The following BBS12 variants were observed in gnomAD, a reference collection of about 807,000 sequenced individuals.
The protein encoded by BBS12 is Bardet-Biedl syndrome 12.
In BBS12, 5 loss-of-function variants were observed where a neutral mutation model predicts 5.6. The ratio of observed to expected loss-of-function variants is 0.89; its 90% CI spans 0.46 to 1.86. The LOEUF is 1.86. Ranked by LOEUF, BBS12 falls within the 40% of genes most tolerant of loss-of-function variation. The pLI, the probability that BBS12 is intolerant of heterozygous loss-of-function variation, is 0.01. For synonymous variants in BBS12, 308 were observed against 306.8 expected (o/e 1.00, Z -0.04); for missense variants, 748 against 830.4 (o/e 0.90, Z 1.22).
chr4:122,718,762 A>ATGAAATGAAATGAAATGAAATG, the BBS12 span, among the ~76,000 whole-genome samples: 1 of 151,250 alleles, frequency 6.6e-6, no homozygotes, highest in Non-Finnish European at 1.5e-5. Flanking sequence ...ATGAAATGAA[A>ATGAAATGAAATGAAATGAAATG]AAGGTCATCC....
chr4:122,711,801 G>A, the BBS12 span, among the ~76,000 whole-genome samples: 1 of 152,180 alleles, frequency 6.6e-6, no homozygotes, highest in East Asian at 1.9e-4. Flanking sequence ...GTGGACTTGT[G>A]TACTGCCTAC....
Position 122,744,013 on chromosome 4 carries a change from T to A in BBS12, c.2121T>A (p.Phe707Leu). Residue 707 changes from phenylalanine to leucine, a missense_variant, in exon 2 of 2, where the codon TTT (phenylalanine) becomes TTA (leucine). Physicochemically the swap from Phe to Leu is conservative, Grantham distance 22. Transcript: ENST00000314218. ...TQINSQELTGFLFL is the reference protein window; with the variant it reads ...TQINSQELTGLLFL Reference sequence around the variant, plus strand: ...TAAATTCACAGGAATTAACGGGCTTTCTATTTTTGTAGTGTTACTGGCTAA... The same window carrying A: ...TAAATTCACAGGAATTAACGGGCTTACTATTTTTGTAGTGTTACTGGCTAA... 2 of 1,613,446 alleles carry A rather than the reference T, an allele frequency of 1.2e-6. No homozygotes were observed. The highest frequency in any genetic ancestry group is 1.7e-4 in the Middle Eastern group (1 of 6,060).
In BBS12 at chr4:122,743,814, G is replaced by A. The variant is rs1800939127; in HGVS notation, c.1922G>A (p.Ser641Asn). 4 of 1,611,816 alleles carry A rather than the reference G, an allele frequency of 2.5e-6. No individual in the cohort carries two copies. Among genetic ancestry groups the A allele is most frequent in the African/African-American group, 1.3e-5 (1 of 74,908 alleles). ...TCATCTTACATCTTGAATGAATATA[G>A]TAAACTAAATAGTAGAATTTTTAAT... The part of the protein sequence containing the change: ...SPSSYILNEY[S>N]KLNSRIFNSD... The change falls in exon 2 of 2, where the codon AGT (serine) becomes AAT (asparagine). Residue 641 changes from serine (S) to asparagine (N), a missense_variant. Coordinates refer to ENST00000314218, the MANE Select transcript of BBS12 (RefSeq NM_152618.3).
At chr4:122,722,634 A>C in the BBS12 span, among the ~76,000 whole-genome samples, 1 of 152,118 alleles carries the variant, frequency 6.6e-6, no homozygotes, top group Admixed American at 6.5e-5. Context: ...TTTAGTCCTA[A>C]AATTTTTATA....
At position 122,741,991 on chromosome 4, in the gene BBS12, A is replaced by G. The variant is rs770875217; in HGVS notation, c.99A>G (p.Leu33=). ...AETGRTFLGP[L]KSSKFIIDEE... is the part of the protein sequence containing the mutation. ...CAGGAAGAACTTTCCTAGGCCCACT[A>G]AAATCATCCAAATTTATTATAGATG... The change falls in exon 2 of 2, where the codon CTA becomes CTG. Residue 33 remains leucine (L), a synonymous_variant. Transcript: ENST00000314218. 4 of 1,613,514 alleles carry G rather than the reference A, an allele frequency of 2.5e-6. No individual in the cohort carries two copies. The highest frequency in any genetic ancestry group is 3.4e-6 in the Non-Finnish European group (4 of 1,179,572).
the BBS12 span, among the ~76,000 whole-genome samples, chr4:122,716,736 CGT>C: frequency 3.8e-5 from 2 of 52,170 alleles, no homozygotes; most frequent in African/African-American, 1.5e-4. Flanking sequence ...TACACACACA[CGT>C]GTGTGTGTAT....
chr4:122,706,755 T>G, the BBS12 span, among the ~76,000 whole-genome samples: 1 of 152,194 alleles, frequency 6.6e-6, no homozygotes, highest in Non-Finnish European at 1.5e-5. Flanking sequence ...AGTTCTTTCA[T>G]GGAAAAGTAA....
At chr4:122,710,645 A>C in the BBS12 span, among the ~76,000 whole-genome samples, 1 of 152,144 alleles carries the variant, frequency 6.6e-6, no homozygotes, top group African/African-American at 2.4e-5. Context: ...GGGGAAATGG[A>C]TTCGTTATGA....
chr4:122,705,648 C>T, the BBS12 span, among the ~76,000 whole-genome samples: 2 of 151,926 alleles, frequency 1.3e-5, no homozygotes, highest in Admixed American at 1.3e-4. Context: ...CCTGGCATAG[C>T]CTAAGAAGAA....
the BBS12 span, among the ~76,000 whole-genome samples, chr4:122,702,024 G>GA: frequency 6.4e-3 from 970 of 151,926 alleles, 5 homozygotes; most frequent in Admixed American, 0.012. Flanking sequence ...TGGAAAGGGA[G>GA]AAAAAAAAGC....
the BBS12 span, among the ~76,000 whole-genome samples, chr4:122,718,845 G>A: frequency 1.3e-5 from 2 of 152,192 alleles, no homozygotes; most frequent in African/African-American, 4.8e-5. Context: ...TTGAGAGGGA[G>A]TCTCGCTCTG....
the BBS12 span, among the ~76,000 whole-genome samples, chr4:122,716,669 A>ACGCG: frequency 7.7e-5 from 6 of 78,386 alleles, no homozygotes; most frequent in African/African-American, 2.0e-4. Flanking sequence ...ACATACACAT[A>ACGCG]TGTGTATATA....
the BBS12 span, among the ~76,000 whole-genome samples, chr4:122,701,521 G>A: frequency 6.6e-6 from 1 of 152,230 alleles, no homozygotes; most frequent in African/African-American, 2.4e-5. Flanking sequence ...TGTGGGGTAA[G>A]CAAGGAGCAG....
intron 1 of BBS12, chr4:122,733,761 C>CT (rs1248739598): frequency 6.6e-6 from 1 of 151,898 alleles, no homozygotes; most frequent in Non-Finnish European, 1.5e-5. Context: ...ATGCGGACCC[C>CT]TTTTATGCCT....
At chr4:122,714,127 G>C in the BBS12 span, among the ~76,000 whole-genome samples, 1 of 151,994 alleles carries the variant, frequency 6.6e-6, no homozygotes, top group Non-Finnish European at 1.5e-5. Context: ...ATAAGGATGA[G>C]GCCCTAATTC....
the BBS12 span, among the ~76,000 whole-genome samples, chr4:122,708,070 G>A: frequency 0.22 from 33,144 of 149,066 alleles, 3,974 homozygotes; most frequent in Non-Finnish European, 0.25. Context: ...GGAGTACAGC[G>A]GGGCAATCAT....
At chr4:122,716,591 A>G in the BBS12 span, among the ~76,000 whole-genome samples, 3 of 140,806 alleles carry the variant, frequency 2.1e-5, no homozygotes, top group Non-Finnish European at 3.1e-5. Context: ...ATATACACAT[A>G]TGTATGTATA....
Position 122,742,630 on chromosome 4 carries a change from A to G in BBS12, c.738A>G (p.Val246=). 3 of 1,614,258 alleles carry G rather than the reference A, an allele frequency of 1.9e-6. No homozygotes were observed. Among genetic ancestry groups the G allele is most frequent in the Non-Finnish European group, 2.5e-6 (3 of 1,180,052 alleles). Residue 246 remains valine, a synonymous_variant, in exon 2 of 2, where the codon GTA becomes GTG. Transcript: ENST00000314218. The part of the protein sequence containing the change: ...HFNRTDNTEG[V]SKPDGFQEHV... The stretch of plus-strand genomic sequence containing the variant: ...ATAGGACAGATAATACTGAAGGGGT[A>G]AGCAAACCAGATGGATTTCAAGAAC...
At chr4:122,739,613 T>TTG (rs1483793186) in intron 1 of BBS12, among the ~76,000 whole-genome samples, 3 of 152,224 alleles carry the variant, frequency 2.0e-5, no homozygotes, top group African/African-American at 7.2e-5. Context: ...GCACAAACCT[T>TTG]TGTGTGGCCA....
Sources: allele counts gnomAD v4.1 joint callset (sites outside exome capture counted in the v4.1 genomes callset), GRCh38; gene constraint gnomAD v4.1.1; transcripts MANE v1.5; gene names NCBI Gene and HGNC (gene_info 2026-07-23, HGNC 2026-07-21).